Variants in KMT2C observed in about 807,000 individuals in gnomAD.
KMT2C encodes the protein histone-lysine N-methyltransferase 2C.
Under a neutral mutation model 507.9 loss-of-function variants are expected in KMT2C, and 88 were observed. That is an observed-to-expected ratio of 0.17 (90% CI 0.15 to 0.21). The LOEUF is 0.21. Among genes scored for constraint, KMT2C ranks in the 10% least tolerant of loss-of-function variants. KMT2C has a pLI of 1.00. For synonymous variants in KMT2C, 2,049 were observed against 2,080.8 expected (o/e 0.98, Z 0.42); for missense variants, 4,954 against 5,957.8 (o/e 0.83, Z 5.55).
At chr7:152,202,515 C>T (rs991927855) in intron 26 of KMT2C, among the ~76,000 whole-genome samples, 3 of 152,180 alleles carry the variant, frequency 2.0e-5, no homozygotes, top group East Asian at 1.9e-4. Flanking sequence ...AAAGTGGTAA[C>T]GATTATTAAA....
At chr7:152,308,672 T>A (rs1589092371) in intron 6 of KMT2C, among the ~76,000 whole-genome samples, 4 of 36,900 alleles carry the variant, frequency 1.1e-4, no homozygotes, top group East Asian at 9.1e-4. Context: ...AAAACTCCTC[T>A]CAAAAAAAAA....
Position 152,347,086 on chromosome 7 carries a change from T to C in KMT2C, c.250+11501A>G, listed in dbSNP as rs112062268. Among the ~76,000 whole-genome samples the C allele has an allele frequency of 3.5e-3, 528 of 152,036 alleles. 5 individuals carry two copies. The highest frequency in any genetic ancestry group is 0.012 in the African/African-American group (500 of 41,444). ...CTGCAGTGAGCCAAGATCGTGCCAC[T>C]GCACTCCAGCCAGGGAGACAAGGAA... is the stretch of plus-strand genomic sequence containing the variant. On this transcript the variant is annotated intron_variant, in intron 2 of 58. Coordinates refer to ENST00000262189, the MANE Select transcript of KMT2C (RefSeq NM_170606.3).
chr7:152,148,344 T>A lies in KMT2C; in HGVS notation c.13583A>T (p.Gln4528Leu), dbSNP rs1249858653. 6 of 1,614,274 alleles carry A rather than the reference T, an allele frequency of 3.7e-6. No individual in the cohort carries two copies. The highest frequency in any genetic ancestry group is 5.1e-6 in the Non-Finnish European group (6 of 1,180,054). ...YFAVFRRVYVQRDEVRQIASI... is the reference protein window; with the variant it reads ...YFAVFRRVYVLRDEVRQIASI... Reference sequence around the variant, plus strand: ...AGCAATCTGTCGCACCTCATCACGCTGAACATAGACCCTCCTGAAGACTGC... The same window carrying A: ...AGCAATCTGTCGCACCTCATCACGCAGAACATAGACCCTCCTGAAGACTGC... Residue 4528 changes from glutamine (Q) to leucine (L), a missense_variant, in exon 52 of 59, where the codon CAG (glutamine) becomes CTG (leucine). This residue lies in a region of KMT2C where 221 missense variants were observed against 304.7 expected (regional missense o/e 0.73). Coordinates refer to ENST00000262189, the MANE Select transcript of KMT2C (RefSeq NM_170606.3). The surrounding 1 kb of genome is among the most constrained non-coding windows in gnomAD (Gnocchi z 7.1).
At chr7:152,196,236 T>C (rs749026503) in intron 27 of KMT2C, among the ~76,000 whole-genome samples, 2 of 152,136 alleles carry the variant, frequency 1.3e-5, no homozygotes, top group African/African-American at 2.4e-5. Flanking sequence ...CTAATGTATA[T>C]TGAGACAAAA....
chr7:152,218,091 T>C lies in KMT2C; in HGVS notation c.3712+2432A>G, dbSNP rs1048910484. Among the ~76,000 whole-genome samples the C allele has an allele frequency of 7.2e-5, 11 of 152,310 alleles. 1 individual carries two copies. The South Asian group carries it at 1.0e-3, about 14-fold the overall frequency. On this transcript the variant is annotated intron_variant, in intron 23 of 58. Coordinates refer to ENST00000262189, the MANE Select transcript of KMT2C (RefSeq NM_170606.3). ...TTACATACAAGCATCAGAAAGTGTT[T>C]CTCCCAGTAACATAGACCCAAAACA...
At chr7:152,193,113 C>A (rs1168190453) in intron 31 of KMT2C, among the ~76,000 whole-genome samples, 1 of 152,270 alleles carries the variant, frequency 6.6e-6, no homozygotes, top group South Asian at 2.1e-4. Context: ...GAGATCGCAG[C>A]TGACGTGAGT....
chr7:152,249,592 G>T (rs1222995898), intron 13 of KMT2C, among the ~76,000 whole-genome samples: 2 of 133,034 alleles, frequency 1.5e-5, no homozygotes, highest in Admixed American at 1.8e-4. Context: ...TTTATTGAAA[G>T]ACTACAGGTA....
intron 7 of KMT2C, among the ~76,000 whole-genome samples, chr7:152,265,676 A>T (rs554956806): frequency 2.6e-5 from 4 of 152,302 alleles, no homozygotes; most frequent in Admixed American, 2.6e-4. Context: ...AATATCAATT[A>T]GACTAAGATG....
intron 50 of KMT2C, among the ~76,000 whole-genome samples, 178 bp from the exon 51 acceptor site, chr7:152,151,185 T>A (rs779704072): frequency 6.6e-6 from 1 of 152,224 alleles, no homozygotes; most frequent in South Asian, 2.1e-4. Context: ...AAAAAATACA[T>A]GTATAAAACC....
rs2129119341 is a variant in KMT2C, at chr7:152,180,911, G to C, written c.6949C>G (p.Gln2317Glu). The C allele has an allele frequency of 6.2e-7, 1 of 1,614,144 alleles. No individual in the cohort carries two copies. The highest frequency in any genetic ancestry group is 8.5e-7 in the Non-Finnish European group (1 of 1,180,042). Residue 2317 changes from glutamine (Q) to glutamate (E), a missense_variant, in exon 36 of 59, where the codon CAA becomes GAA. Gln to Glu is a conservative substitution (Grantham distance 29, BLOSUM62 2). This residue lies in a region of KMT2C where 1,689 missense variants were observed against 1,654.3 expected (regional missense o/e 1.02). Coordinates refer to ENST00000262189, the MANE Select transcript of KMT2C (RefSeq NM_170606.3). ...TGATCAGCAACATCATGGGCAGTTT[G>C]ACTTGTTCCAAAAGAGTCAGACTGA... ...RSQSDSFGTS[Q>E]TAHDVADQPR...
intron 1 of KMT2C, among the ~76,000 whole-genome samples, chr7:152,433,895 A>G (rs2097889892): frequency 6.6e-6 from 1 of 152,286 alleles, no homozygotes; most frequent in Non-Finnish European, 1.5e-5. Context: ...ACGCCCTTAC[A>G]GGAGTATGGG....
In KMT2C at chr7:152,163,759, C is replaced by T. The variant is rs2092583233; in HGVS notation, c.9818G>A (p.Cys3273Tyr). Residue 3273 changes from cysteine (C) to tyrosine (Y), a missense_variant, in exon 43 of 59, where the codon TGT becomes TAT. Physicochemically the swap from Cys to Tyr is radical, Grantham distance 194. Transcript: ENST00000262189. The part of the protein sequence containing the change: ...EDYRIKQQQQ[C>Y]AMAPPTMMPS... ...CATCATGGTAGGTGGGGCCATTGCA[C>T]ATTGCTGCTGCTGTTTGATCCGATA... 1.9e-6 allele frequency: 3 copies of T among 1,614,178 alleles called. No homozygotes were observed. Among genetic ancestry groups the T allele is most frequent in the East Asian group, 2.2e-5 (1 of 44,880 alleles).
intron 1 of KMT2C, among the ~76,000 whole-genome samples, chr7:152,412,299 G>T (rs2097692362): frequency 6.6e-6 from 1 of 152,230 alleles, no homozygotes; most frequent in Non-Finnish European, 1.5e-5. Flanking sequence ...TACTCAGGAG[G>T]CTGAGGCAGG....
At chr7:152,357,673 T>C (rs915829170) in intron 2 of KMT2C, among the ~76,000 whole-genome samples, 1 of 152,144 alleles carries the variant, frequency 6.6e-6, no homozygotes, top group African/African-American at 2.4e-5. Context: ...TTCATGAATG[T>C]GCACAAAAGG....
In KMT2C at chr7:152,310,047, C is replaced by T; in HGVS notation, c.768G>A (p.Val256=). Residue 256 remains valine, a synonymous_variant, in exon 6 of 59, where the codon GTG becomes GTA. Coordinates refer to ENST00000262189, the MANE Select transcript of KMT2C (RefSeq NM_170606.3). ...TGTCWAHHRC[V]EWSLGVCQME... Reference sequence around the variant, plus strand: ...TCTGGCATACTCCTAGTGACCACTCCACACAACGGTGATGAGCCCAACAAG... The same window carrying T: ...TCTGGCATACTCCTAGTGACCACTCTACACAACGGTGATGAGCCCAACAAG... The T allele has an allele frequency of 6.2e-7, 1 of 1,613,612 alleles. No homozygotes were observed. Among genetic ancestry groups the T allele is most frequent in the African/African-American group, 1.3e-5 (1 of 74,980 alleles).
At chr7:152,160,127 A>G (rs1366084345) in intron 43 of KMT2C, among the ~76,000 whole-genome samples, 1 of 152,224 alleles carries the variant, frequency 6.6e-6, no homozygotes, top group Non-Finnish European at 1.5e-5. Context: ...TGAATTTTGT[A>G]TAATTTTTAT....
intron 7 of KMT2C, among the ~76,000 whole-genome samples, chr7:152,271,990 T>C (rs547017827): frequency 8.5e-5 from 13 of 152,214 alleles, no homozygotes; most frequent in African/African-American, 2.9e-4. Flanking sequence ...TGGAGTTATA[T>C]ATTTTTGGGG....
At chr7:152,308,254 C>T (rs184903322) in intron 6 of KMT2C, among the ~76,000 whole-genome samples, 6 of 152,240 alleles carry the variant, frequency 3.9e-5, no homozygotes, top group Admixed American at 3.9e-4. Context: ...AAGTCCTTGT[C>T]TCAACTATAC....
At chr7:152,281,953 A>C (rs2096221003) in intron 6 of KMT2C, among the ~76,000 whole-genome samples, 1 of 152,120 alleles carries the variant, frequency 6.6e-6, no homozygotes, top group African/African-American at 2.4e-5. Context: ...AAATGTACTA[A>C]GTACTTTGTC....
Sources: gnomAD v4.1 joint callset for allele counts (sites outside exome capture counted in the v4.1 genomes callset) on GRCh38, gnomAD v4.1.1 for gene constraint, gnomAD v4.1.1 regional missense constraint, Gnocchi (gnomAD v3.1) non-coding constraint, MANE v1.5 for transcripts, NCBI Gene and HGNC (gene_info 2026-07-23, HGNC 2026-07-21) for gene names.